NDUFB6: variants seen among roughly 807,000 people sequenced by gnomAD.
NDUFB6 encodes the protein NADH dehydrogenase [ubiquinone] 1 beta subcomplex subunit 6.
NDUFB6 carries 23 observed loss-of-function variants against 17.5 expected under a neutral mutation model. That is an observed-to-expected ratio of 1.31 (90% CI 0.94 to 1.86). The LOEUF (loss-of-function observed/expected upper bound fraction) is 1.86, where lower values mean the gene tolerates loss of function less well. Ranked by LOEUF, NDUFB6 falls within the 40% of genes most tolerant of loss-of-function variation. The pLI, the probability that NDUFB6 is intolerant of heterozygous loss-of-function variation, is 0.00. For synonymous variants in NDUFB6, 60 were observed against 53.5 expected (o/e 1.12, Z -0.53); for missense variants, 167 against 153.8 (o/e 1.09, Z -0.46).
intron 2 of NDUFB6, among the ~76,000 whole-genome samples, chr9:32,564,464 T>C (rs932297349): frequency 1.3e-4 from 20 of 152,160 alleles, no homozygotes; most frequent in African/African-American, 4.6e-4. Context: ...AAAATCTTTA[T>C]TGCTTCTGCT....
chr9:32,567,385 G>A (rs1371514062), intron 2 of NDUFB6: 1 of 465,752 alleles, frequency 2.1e-6, no homozygotes, highest in Non-Finnish European at 4.4e-6. Flanking sequence ...CACCCAGGCA[G>A]TGGTGCGATC....
chr9:32,570,702 A>G (rs1333504329), intron 2 of NDUFB6, among the ~76,000 whole-genome samples: 1 of 152,202 alleles, frequency 6.6e-6, no homozygotes, highest in Non-Finnish European at 1.5e-5. Flanking sequence ...CCCTAGTATT[A>G]TTAGGTCACT....
intron 2 of NDUFB6, chr9:32,567,049 G>A (rs1347663943): frequency 2.0e-6 from 1 of 496,774 alleles, no homozygotes; most frequent in South Asian, 1.6e-5. Flanking sequence ...GCATCTCCCG[G>A]CAGCTCCTGC....
intron 2 of NDUFB6, among the ~76,000 whole-genome samples, chr9:32,561,593 T>C (rs1250041145): frequency 6.6e-6 from 1 of 152,062 alleles, no homozygotes; most frequent in Non-Finnish European, 1.5e-5. Flanking sequence ...CCTCCCAAAG[T>C]GCCAGGATTA....
At chr9:32,566,620 C>G in intron 2 of NDUFB6, 2 of 790,164 alleles carry the variant, frequency 2.5e-6, no homozygotes, top group South Asian at 2.7e-5. Flanking sequence ...TCCTGAGCCT[C>G]TGCACCCACC....
rs2119007790 is a variant in NDUFB6 at position 32,558,904 on chromosome 9, A to C, written c.318+6T>G. 6.4e-7 allele frequency: 1 copy of C among 1,565,232 alleles called. No individual in the cohort carries two copies. The highest frequency in any genetic ancestry group is 1.1e-5 in the South Asian group (1 of 87,634). On this transcript the variant is annotated splice_donor_region_variant and intron_variant, in intron 3 of 3. Coordinates refer to ENST00000379847, the MANE Select transcript of NDUFB6 (RefSeq NM_002493.5). ...CAAAAGAAAAATCAGAAGTGTTAAG[A>C]CTTACAGGGAATATTCTGGACTTCT...
chr9:32,559,011 A>G, intron 2 of NDUFB6, 57 bp from the exon 3 acceptor site: 1 of 1,282,972 alleles, frequency 7.8e-7, no homozygotes, highest in Non-Finnish European at 1.1e-6. Context: ...TTCTGAAAAT[A>G]AGAAATAGGT....
At chr9:32,570,887 G>GCCTAC in intron 2 of NDUFB6, 73 bp downstream of exon 2, 1 of 959,668 alleles carries the variant, frequency 1.0e-6, no homozygotes, top group East Asian at 2.8e-5. Flanking sequence ...TTTCCACTAA[G>GCCTAC]TAGGGTAAGA....
At position 32,553,908 on chromosome 9, in the gene NDUFB6, G is replaced by C; in HGVS notation, c.355C>G (p.Pro119Ala). 1 of 1,599,362 alleles carries C rather than the reference G, an allele frequency of 6.3e-7. No homozygotes were observed. The highest frequency in any genetic ancestry group is 8.6e-7 in the Non-Finnish European group (1 of 1,167,796). The change falls in exon 4 of 4, where the codon CCA becomes GCA. Residue 119 changes from proline (P) to alanine (A), a missense_variant. Transcript: ENST00000379847. ...TGTTGATCAGGAAATTCTTTCATTG[G>C]TGGAATTACTTCTCCAGTCTCCAGA... ...TILETGEVIP[P>A]MKEFPDQHH is the part of the protein sequence containing the mutation.
At chr9:32,568,296 G>C (rs1821856288) in intron 2 of NDUFB6, 1 of 185,628 alleles carries the variant, frequency 5.4e-6, no homozygotes, top group Non-Finnish European at 1.2e-5. Context: ...AAAAGAACTA[G>C]AATTAGAAGT....
chr9:32,553,937 G>GT lies in NDUFB6; in HGVS notation c.325dup (p.Thr109AsnfsTer17), dbSNP rs1563989974. 5 of 1,589,284 alleles carry GT rather than the reference G, an allele frequency of 3.1e-6. No individual in the cohort carries two copies. The highest frequency in any genetic ancestry group is 2.2e-5 in the East Asian group (1 of 44,614). ...AATTACTTCTCCAGTCTCCAGAATTGTATCACCCTAGGAAAACAAAGATAC... is the reference window on the plus strand; with the variant it reads ...AATTACTTCTCCAGTCTCCAGAATTGTTATCACCCTAGGAAAACAAAGATAC... On this transcript the variant is annotated frameshift_variant, in exon 4 of 4. Coordinates refer to ENST00000379847, the MANE Select transcript of NDUFB6 (RefSeq NM_002493.5). LOFTEE classifies it high-confidence loss of function.
intron 2 of NDUFB6, among the ~76,000 whole-genome samples, chr9:32,559,293 C>T (rs1451698440): frequency 1.3e-5 from 2 of 152,202 alleles, no homozygotes; most frequent in African/African-American, 4.8e-5. Context: ...CTGAATCCAA[C>T]TGGTTCTCAT....
chr9:32,566,182 A>G, intron 2 of NDUFB6: 1 of 739,728 alleles, frequency 1.4e-6, no homozygotes, highest in South Asian at 1.5e-5. Flanking sequence ...CTTCCTCTTC[A>G]ACCTTGTCTG....
chr9:32,567,035 C>A lies in NDUFB6; in HGVS notation c.273+3925G>T, dbSNP rs192891119. ...GAGCTAGAAGCAGAGGTAGCCCTTG[C>A]GCAGCATCTCCCGGCAGCTCCTGCC... On this transcript the variant is annotated intron_variant, in intron 2 of 3. Transcript: ENST00000379847. 1.1e-3 allele frequency: 568 copies of A among 499,548 alleles called. 2 individuals are homozygous for A. Among genetic ancestry groups the A allele is most frequent in the African/African-American group, 0.01 (529 of 51,512 alleles). 30.9% of individuals were successfully genotyped at this position (499,548 alleles called of 1,614,324 possible).
At chr9:32,562,313 G>T (rs1219014939) in intron 2 of NDUFB6, among the ~76,000 whole-genome samples, 2 of 152,166 alleles carry the variant, frequency 1.3e-5, no homozygotes, top group African/African-American at 4.8e-5. Flanking sequence ...CTCCGTACTT[G>T]TTAATCAAGG....
At chr9:32,567,931 C>T (rs1821844877) in intron 2 of NDUFB6, 1 of 168,534 alleles carries the variant, frequency 5.9e-6, no homozygotes, top group South Asian at 2.0e-4. Context: ...CACTTCATAT[C>T]AAAAGCTACT....
intron 2 of NDUFB6, chr9:32,566,587 A>G (rs1211549597): frequency 2.6e-6 from 2 of 784,060 alleles, no homozygotes; most frequent in African/African-American, 3.4e-5. Flanking sequence ...TGGCACATGG[A>G]GCGGAGGACC....
chr9:32,565,561 C>T (rs1337347268), intron 2 of NDUFB6: 3 of 152,226 alleles, frequency 2.0e-5, no homozygotes, highest in Non-Finnish European at 2.9e-5. Flanking sequence ...ACTGGTAAAA[C>T]CAGAGAACAG....
chr9:32,572,893 A>G lies in NDUFB6; in HGVS notation c.168T>C (p.Pro56=), dbSNP rs766003627. Residue 56 remains proline (P), a synonymous_variant, in exon 1 of 4, where the codon CCT becomes CCC. Transcript: ENST00000379847. ...GTCTGTCACTCACCATTTTCCTCCAAGGGGATTTATTCTCCAAAAATTTAT... is the reference window on the plus strand; with the variant it reads ...GTCTGTCACTCACCATTTTCCTCCAGGGGGATTTATTCTCCAAAAATTTAT... The part of the protein sequence containing the change: ...FWNKFLENKS[P]WRKMVHGVYK... The G allele has an allele frequency of 5.7e-6, 9 of 1,590,768 alleles. No individual in the cohort carries two copies. The highest frequency in any genetic ancestry group is 6.8e-6 in the Non-Finnish European group (8 of 1,167,958).
Sources: allele counts gnomAD v4.1 joint callset (sites outside exome capture counted in the v4.1 genomes callset), GRCh38; gene constraint gnomAD v4.1.1; transcripts MANE v1.5; gene names NCBI Gene and HGNC (gene_info 2026-07-23, HGNC 2026-07-21).